CORIN: variants seen among roughly 807,000 people sequenced by gnomAD.
CORIN encodes corin, serine peptidase, also known as atrial natriuretic peptide-converting enzyme.
A neutral mutation model predicts 125.3 loss-of-function variants in CORIN; 117 were observed. That is an observed-to-expected ratio of 0.93 (90% CI 0.80 to 1.09). The LOEUF (loss-of-function observed/expected upper bound fraction) is 1.09. Ranked by LOEUF, CORIN falls within the 50% of genes least tolerant of loss-of-function variation. The pLI is 0.00. For synonymous variants in CORIN, 450 were observed against 466.4 expected, an observed-to-expected ratio of 0.96 and a Z score of 0.45; for missense variants, 1,253 against 1,306.7, an observed-to-expected ratio of 0.96 and a Z score of 0.63.
At chr4:47,797,561 T>C (rs919934640) in intron 2 of CORIN, among the ~76,000 whole-genome samples, 1 of 152,088 alleles carries the variant, frequency 6.6e-6, no homozygotes, top group Non-Finnish European at 1.5e-5. Context: ...TATGGGGTTA[T>C]GGATCATGGG....
chr4:47,792,544 C>T (rs567347676), intron 2 of CORIN, among the ~76,000 whole-genome samples: 26 of 152,280 alleles, frequency 1.7e-4, no homozygotes, highest in African/African-American at 5.8e-4. Flanking sequence ...AAGGTCCCTT[C>T]GAGGTCTCTG....
At chr4:47,612,639 G>A (rs528141575) in intron 19 of CORIN, among the ~76,000 whole-genome samples, 1 of 152,310 alleles carries the variant, frequency 6.6e-6, no homozygotes, top group South Asian at 2.1e-4. Flanking sequence ...CACAGAGACA[G>A]CAAGTGATGG....
At chr4:47,751,335 C>T (rs1463829964) in intron 4 of CORIN, among the ~76,000 whole-genome samples, 1 of 152,132 alleles carries the variant, frequency 6.6e-6, no homozygotes, top group African/African-American at 2.4e-5. Context: ...GTGGTAATAC[C>T]ATCTACCTAA....
At chr4:47,750,984 G>A (rs1471048589) in intron 4 of CORIN, among the ~76,000 whole-genome samples, 1 of 152,204 alleles carries the variant, frequency 6.6e-6, no homozygotes, top group South Asian at 2.1e-4. Flanking sequence ...GTTAAACTAT[G>A]ATTAGCTTGA....
At chr4:47,601,751 T>A (rs1168987186) in intron 20 of CORIN, among the ~76,000 whole-genome samples, 1 of 152,192 alleles carries the variant, frequency 6.6e-6, no homozygotes, top group East Asian at 1.9e-4. Flanking sequence ...TGACAGCATG[T>A]CTAACATTGC....
chr4:47,773,885 T>A (rs34618084), intron 3 of CORIN, among the ~76,000 whole-genome samples: 22,384 of 151,596 alleles, frequency 0.15, 2,169 homozygotes, highest in South Asian at 0.22. Context: ...TTATATTTAT[T>A]ATTAATTACT....
chr4:47,727,725 T>C (rs1224111957), intron 5 of CORIN, among the ~76,000 whole-genome samples: 1 of 152,146 alleles, frequency 6.6e-6, no homozygotes, highest in African/African-American at 2.4e-5. Flanking sequence ...GAGGAGCTTA[T>C]AATTTTTTAA....
chr4:47,799,296 A>C (rs1731431863), intron 2 of CORIN, among the ~76,000 whole-genome samples: 2 of 152,262 alleles, frequency 1.3e-5, no homozygotes, highest in South Asian at 4.1e-4. Context: ...CTATATCCCC[A>C]GTGATGAGAC....
At chr4:47,641,840 G>A (rs1723241338) in intron 16 of CORIN, 80 bp downstream of exon 16, 3 of 1,513,140 alleles carry the variant, frequency 2.0e-6, no homozygotes, top group Non-Finnish European at 1.8e-6. Flanking sequence ...AACTCTCTGT[G>A]CATCCTAAGG....
At chr4:47,676,596 T>C (rs1725029732) in intron 9 of CORIN, among the ~76,000 whole-genome samples, 1 of 152,206 alleles carries the variant, frequency 6.6e-6, no homozygotes, top group Non-Finnish European at 1.5e-5. Flanking sequence ...GCGGTTTTGC[T>C]TACCACTGAA....
At chr4:47,758,159 T>A (rs1729276136) in intron 4 of CORIN, among the ~76,000 whole-genome samples, 1 of 151,764 alleles carries the variant, frequency 6.6e-6, no homozygotes, top group African/African-American at 2.4e-5. Flanking sequence ...CGTGATCTGC[T>A]CGCCTGGCCT....
At chr4:47,601,776 C>T (rs549618416) in intron 20 of CORIN, among the ~76,000 whole-genome samples, 2 of 152,142 alleles carry the variant, frequency 1.3e-5, no homozygotes, top group Admixed American at 6.6e-5. Context: ...AAAATTGTTA[C>T]ATGTGAGTTT....
intron 4 of CORIN, among the ~76,000 whole-genome samples, chr4:47,753,482 G>A (rs945898392): frequency 2.0e-5 from 3 of 152,034 alleles, no homozygotes; most frequent in East Asian, 1.9e-4. Context: ...AGACCAGGGC[G>A]TATTTCAGTC....
At chr4:47,717,221 T>C (rs1408603611) in intron 5 of CORIN, among the ~76,000 whole-genome samples, 1 of 152,220 alleles carries the variant, frequency 6.6e-6, no homozygotes, top group Non-Finnish European at 1.5e-5. Flanking sequence ...CACATGGATC[T>C]AATAGACAAC....
At chr4:47,765,306 G>GT (rs1210613151) in intron 3 of CORIN, among the ~76,000 whole-genome samples, 4 of 140,588 alleles carry the variant, frequency 2.8e-5, no homozygotes, top group Non-Finnish European at 6.1e-5. Flanking sequence ...GCGAGACTCC[G>GT]TCCCCCAAAA....
chr4:47,622,590 C>A (rs937455169), intron 19 of CORIN, among the ~76,000 whole-genome samples: 4 of 152,042 alleles, frequency 2.6e-5, no homozygotes, highest in Admixed American at 2.0e-4. Flanking sequence ...TTGCATTTCT[C>A]TGATGGCCAG....
At chr4:47,596,202 A>C (rs2109494353) in intron 21 of CORIN, among the ~76,000 whole-genome samples, 1 of 152,302 alleles carries the variant, frequency 6.6e-6, no homozygotes, top group South Asian at 2.1e-4. Flanking sequence ...TATGTCATAA[A>C]GTTTTTAAAA....
intron 5 of CORIN, among the ~76,000 whole-genome samples, chr4:47,737,509 C>A (rs1026843340): frequency 2.0e-5 from 3 of 152,214 alleles, no homozygotes; most frequent in Admixed American, 2.0e-4. Context: ...ATAGACTCAA[C>A]TATTTTGGAT....
chr4:47,828,763 T>C (rs1316098481), intron 1 of CORIN, among the ~76,000 whole-genome samples: 1 of 152,168 alleles, frequency 6.6e-6, no homozygotes, highest in Non-Finnish European at 1.5e-5. Flanking sequence ...TATTCTCTCA[T>C]ACCGCAGACA....
Sources: gnomAD v4.1 joint callset for allele counts (sites outside exome capture counted in the v4.1 genomes callset) on GRCh38, gnomAD v4.1.1 for gene constraint, MANE v1.5 for transcripts, NCBI Gene and HGNC (gene_info 2026-07-23, HGNC 2026-07-21) for gene names.